The following NFASC variants were observed in gnomAD, a reference collection of about 807,000 sequenced individuals.
NFASC encodes neurofascin homolog.
A neutral mutation model predicts 147.5 loss-of-function variants in NFASC; 43 were observed. The observed-to-expected ratio is 0.29, with a 90% CI of 0.23 to 0.38. The LOEUF (loss-of-function observed/expected upper bound fraction) is 0.38. NFASC is among the 10% of genes least tolerant of loss of function. The pLI, the probability that NFASC is intolerant of heterozygous loss-of-function variation, is 1.00. For missense variants in NFASC, 1,320 were observed against 1,689.0 expected, an observed-to-expected ratio of 0.78 and a Z score of 3.83; for synonymous variants, 622 against 665.5, an observed-to-expected ratio of 0.93 and a Z score of 1.01.
intron 8 of NFASC, among the ~76,000 whole-genome samples, chr1:204,966,560 T>C (rs953764795): frequency 6.6e-6 from 1 of 152,204 alleles, no homozygotes; most frequent in Admixed American, 6.5e-5. Flanking sequence ...CAGGCTTCCT[T>C]GGTGCTGAGA....
intron 28 of NFASC, 175 bp downstream of exon 28, chr1:205,009,863 G>A (rs1015824047): frequency 2.1e-5 from 15 of 708,988 alleles, no homozygotes; most frequent in Non-Finnish European, 2.8e-5. Context: ...GAGCACTTGA[G>A]TTAATTAAGT....
At position 205,019,457 on chromosome 1, in the gene NFASC, T is replaced by C. The variant is rs1331171442; in HGVS notation, c.*2918T>C. On this transcript the variant is annotated 3_prime_UTR_variant, in exon 30 of 30. Transcript: ENST00000339876. ...ATGCTCAGCCCTAAGAGCTGTGGTT[T>C]CCTGTGCTCTCATTTGTCCATTCAT... 7.1e-6 allele frequency: 1 copy of C among 141,114 alleles called. No individual in the cohort carries two copies. Among genetic ancestry groups the C allele is most frequent in the Non-Finnish European group, 1.5e-5 (1 of 65,516 alleles). The allele number at this position is 141,114 out of a possible 1,614,324, so 8.7% of individuals were successfully genotyped here.
chr1:204,913,690 G>A (rs1013586520), intron 1 of NFASC, among the ~76,000 whole-genome samples: 2 of 152,070 alleles, frequency 1.3e-5, no homozygotes. Context: ...ACCAGCCTGG[G>A]TAACATGGTG....
chr1:204,880,632 G>A (rs531305239), intron 1 of NFASC, among the ~76,000 whole-genome samples: 19 of 152,170 alleles, frequency 1.2e-4, no homozygotes, highest in African/African-American at 3.9e-4. Flanking sequence ...GATTACAGAC[G>A]TGATTCCCAC....
chr1:204,950,584 C>T lies in NFASC; in HGVS notation c.109+10C>T, dbSNP rs751814959. The T allele has an allele frequency of 1.2e-6, 2 of 1,612,052 alleles. No homozygotes were observed. Among genetic ancestry groups the T allele is most frequent in the East Asian group, 2.2e-5 (1 of 44,844 alleles). Reference sequence around the variant, plus strand: ...AGCATTCAGAATGAGCGTAAGTGCCCTGTGTGCCTCTCTGTGCCTCTGGGA... The same window carrying T: ...AGCATTCAGAATGAGCGTAAGTGCCTTGTGTGCCTCTCTGTGCCTCTGGGA... On this transcript the variant is annotated intron_variant, in intron 4 of 29. Transcript: ENST00000339876.
chr1:204,947,884 ACTCACG>A (rs2093865919), intron 3 of NFASC, among the ~76,000 whole-genome samples: 1 of 151,542 alleles, frequency 6.6e-6, no homozygotes, highest in Non-Finnish European at 1.5e-5. Flanking sequence ...TCACACATAC[ACTCACG>A]CTCACACCTG....
At chr1:204,950,135 G>A (rs2094008048) in intron 3 of NFASC, among the ~76,000 whole-genome samples, 1 of 152,242 alleles carries the variant, frequency 6.6e-6, no homozygotes, top group African/African-American at 2.4e-5. Context: ...CCTGGCACCT[G>A]TCTTGCCCTC....
At chr1:204,936,127 C>T (rs2092802691) in intron 2 of NFASC, among the ~76,000 whole-genome samples, 1 of 151,018 alleles carries the variant, frequency 6.6e-6, no homozygotes, top group East Asian at 2.0e-4. Flanking sequence ...GAGTCATTTT[C>T]GGAAAACCCA....
At position 204,865,222 on chromosome 1, in the gene NFASC, A is replaced by C. The variant is rs137874750; in HGVS notation, c.-200+36440A>C. Among the ~76,000 whole-genome samples, 424 of 152,364 alleles carry C rather than the reference A, an allele frequency of 2.8e-3. 4 individuals are homozygous for C. Among genetic ancestry groups the C allele is most frequent in the African/African-American group, 7.3e-3 (302 of 41,592 alleles). ...ATACTATGTTTTTTCTTATGCATACATAGCTATGTTAAAGTTTAATTTATA... is the reference window on the plus strand; with the variant it reads ...ATACTATGTTTTTTCTTATGCATACCTAGCTATGTTAAAGTTTAATTTATA... On this transcript the variant is annotated intron_variant, in intron 1 of 29. Transcript: ENST00000339876.
intron 21 of NFASC, chr1:204,984,085 C>T: frequency 6.2e-7 from 1 of 1,614,140 alleles, no homozygotes; most frequent in Non-Finnish European, 8.5e-7. Context: ...CAGCCATCAG[C>T]CTTCAGTGGA....
At chr1:204,946,181 G>T in intron 3 of NFASC, 1 of 396,408 alleles carries the variant, frequency 2.5e-6, no homozygotes. Flanking sequence ...GGAAACTCAA[G>T]CCTTTGCTAG....
At chr1:204,946,181 G>C (rs1273070084) in intron 3 of NFASC, 1 of 396,290 alleles carries the variant, frequency 2.5e-6, no homozygotes, top group Non-Finnish European at 5.3e-6. Flanking sequence ...GGAAACTCAA[G>C]CCTTTGCTAG....
rs114961744 is a variant in NFASC at position 204,927,202 on chromosome 1, C to T, written c.-91+6462C>T. 4.6e-3 allele frequency among the ~76,000 whole-genome samples: 702 copies of T among 152,240 alleles called. 9 individuals are homozygous for T. The highest frequency in any genetic ancestry group is 0.016 in the African/African-American group (675 of 41,538). ...CATTTTTATCGCCACTCCCAGCCCC[C>T]GCAAGAATCTATGCCATTGTTAGTC... is the stretch of plus-strand genomic sequence containing the variant. On this transcript the variant is annotated intron_variant, in intron 2 of 29. Coordinates refer to ENST00000339876, the MANE Select transcript of NFASC (RefSeq NM_001005388.3).
At chr1:204,964,272 G>A (rs1573831864) in intron 8 of NFASC, among the ~76,000 whole-genome samples, 1 of 152,204 alleles carries the variant, frequency 6.6e-6, no homozygotes, top group Non-Finnish European at 1.5e-5. Flanking sequence ...TTCCTAGTAT[G>A]TGTTGGGCAC....
Position 204,954,839 on chromosome 1 carries a change from G to A in NFASC, c.423G>A (p.Leu141=), listed in dbSNP as rs746108146. Residue 141 remains leucine (L), a synonymous_variant, in exon 7 of 30, where the codon CTG becomes CTA. Transcript: ENST00000339876. The surrounding 1 kb of genome is among the most constrained non-coding windows in gnomAD (Gnocchi z 5.7). Reference sequence around the variant, plus strand: ...TCCACTTCTCTCCAGAATCTCCTCTGTGGCCCAAGGAAAACCTAGACCCTG... The same window carrying A: ...TCCACTTCTCTCCAGAATCTCCTCTATGGCCCAAGGAAAACCTAGACCCTG... The part of the protein sequence containing the change: ...RIRLQVSKSP[L]WPKENLDPVV... 1 of 1,614,116 alleles carries A rather than the reference G, an allele frequency of 6.2e-7. No homozygotes were observed. Among genetic ancestry groups the A allele is most frequent in the Non-Finnish European group, 8.5e-7 (1 of 1,180,018 alleles).
chr1:204,909,736 T>A lies in NFASC; in HGVS notation c.-199-10896T>A, dbSNP rs557459165. Among the ~76,000 whole-genome samples the A allele has an allele frequency of 2.1e-4, 32 of 152,226 alleles. 1 individual carries two copies. Among genetic ancestry groups the A allele is most frequent in the Non-Finnish European group, 4.3e-4 (29 of 68,034 alleles). On this transcript the variant is annotated intron_variant, in intron 1 of 29. Coordinates refer to ENST00000339876, the MANE Select transcript of NFASC (RefSeq NM_001005388.3). ...AAGTTGGCCATCCAATTTGAGTTTG[T>A]CTTTGTATAAGGACTTAGGTTAAGA...
At chr1:204,972,285 G>T (rs2095284020) in intron 11 of NFASC, among the ~76,000 whole-genome samples, 1 of 152,186 alleles carries the variant, frequency 6.6e-6, no homozygotes, top group African/African-American at 2.4e-5. Context: ...TCCTAGTCCA[G>T]AAATCTTAGG....
At chr1:204,966,945 C>T (rs887690443) in intron 8 of NFASC, among the ~76,000 whole-genome samples, 5 of 152,228 alleles carry the variant, frequency 3.3e-5, no homozygotes, top group African/African-American at 4.8e-5. Context: ...CCCGCCGGTG[C>T]AGCCAGGCCC....
intron 2 of NFASC, among the ~76,000 whole-genome samples, chr1:204,931,136 G>A (rs1431875307): frequency 6.6e-6 from 1 of 152,118 alleles, no homozygotes; most frequent in African/African-American, 2.4e-5. Context: ...AATAACCTGA[G>A]CTGCTCTGCA....
Sources: allele counts gnomAD v4.1 joint callset (sites outside exome capture counted in the v4.1 genomes callset), GRCh38; gene constraint gnomAD v4.1.1; non-coding constraint Gnocchi (gnomAD v3.1); transcripts MANE v1.5; gene names NCBI Gene and HGNC (gene_info 2026-07-23, HGNC 2026-07-21).